Variants in NRXN3 observed in about 807,000 individuals in gnomAD.
The protein encoded by NRXN3 is neurexin III.
In NRXN3, 32 loss-of-function variants were observed where a neutral mutation model predicts 137.6. That is an observed-to-expected ratio of 0.23 (90% CI 0.18 to 0.31). NRXN3 has a LOEUF of 0.31. Ranked by LOEUF, NRXN3 falls within the 10% of genes least tolerant of loss-of-function variation. The probability of loss-of-function intolerance (pLI) is 1.00; values close to 1 mark genes in which losing one functional copy is unlikely to be tolerated. For synonymous variants in NRXN3, 798 were observed against 784.5 expected (o/e 1.02, Z -0.29); for missense variants, 1,574 against 2,062.5 (o/e 0.76, Z 4.59).
intron 1 of NRXN3, among the ~76,000 whole-genome samples, chr14:78,184,124 G>T (rs72683751): frequency 2.0e-5 from 3 of 152,040 alleles, no homozygotes; most frequent in Admixed American, 6.5e-5. Context: ...AAATCTCCCC[G>T]CCAGAGATAA....
rs377190999 is a variant in NRXN3, at chr14:78,988,215, T to C, written c.3262+74T>C. On this transcript the variant is annotated intron_variant, in intron 15 of 20. Coordinates refer to ENST00000335750, the MANE Select transcript of NRXN3 (RefSeq NM_001330195.2). The stretch of plus-strand genomic sequence containing the variant: ...ATTTGGAGAATCTTAAAGGACAATA[T>C]GTAAAAGGATGGCTCTTCTGAAAGA... The C allele has an allele frequency of 2.5e-5, 38 of 1,547,228 alleles. No individual in the cohort carries two copies. The East Asian group carries it at 3.8e-4, about 16-fold the overall frequency.
intron 19 of NRXN3, among the ~76,000 whole-genome samples, chr14:79,740,739 T>TATATATATATATAA (rs2098959749): frequency 2.3e-5 from 1 of 43,450 alleles, no homozygotes; most frequent in Non-Finnish European, 5.0e-5. Flanking sequence ...TATATATATA[T>TATATATATATATAA]ATATATATAT....
chr14:79,379,320 A>T (rs2094398293), intron 15 of NRXN3, among the ~76,000 whole-genome samples: 1 of 152,224 alleles, frequency 6.6e-6, no homozygotes, highest in Admixed American at 6.5e-5. Flanking sequence ...AAATGGTGGG[A>T]TGAGTCTCCT....
At chr14:78,922,400 TC>T (rs1434042351) in intron 10 of NRXN3, among the ~76,000 whole-genome samples, 1 of 152,208 alleles carries the variant, frequency 6.6e-6, no homozygotes, top group African/African-American at 2.4e-5. Flanking sequence ...TTCTAAAATA[TC>T]TTTTCTATTT....
chr14:79,436,876 G>A (rs956063052), intron 15 of NRXN3, among the ~76,000 whole-genome samples: 5 of 152,058 alleles, frequency 3.3e-5, no homozygotes, highest in Non-Finnish European at 4.4e-5. Context: ...CCTGCACTCC[G>A]TTATCTACCT....
chr14:78,962,871 G>A (rs1245295957), intron 11 of NRXN3, among the ~76,000 whole-genome samples: 5 of 151,918 alleles, frequency 3.3e-5, no homozygotes, highest in African/African-American at 9.7e-5. Context: ...GTGCCACCAC[G>A]CCAGGCTAAT....
chr14:78,306,217 C>T (rs2077357123), intron 4 of NRXN3, among the ~76,000 whole-genome samples: 1 of 152,070 alleles, frequency 6.6e-6, no homozygotes, highest in South Asian at 2.1e-4. Context: ...TGTCTGTTTC[C>T]TCCTCCTCAA....
intron 15 of NRXN3, among the ~76,000 whole-genome samples, chr14:79,124,955 A>G (rs1195727681): frequency 2.0e-5 from 3 of 152,224 alleles, no homozygotes; most frequent in African/African-American, 7.2e-5. Context: ...GCAAGCTATA[A>G]TTACATTATT....
At chr14:79,431,993 T>A (rs1214586713) in intron 15 of NRXN3, among the ~76,000 whole-genome samples, 1 of 152,146 alleles carries the variant, frequency 6.6e-6, no homozygotes, top group African/African-American at 2.4e-5. Context: ...ATGTAGCCAA[T>A]GTTATACTTG....
chr14:78,644,039 G>A (rs1354915529), intron 4 of NRXN3, among the ~76,000 whole-genome samples: 1 of 151,666 alleles, frequency 6.6e-6, no homozygotes, highest in Non-Finnish European at 1.5e-5. Context: ...TACTTGGGAG[G>A]CTGAGGCAGG....
intron 8 of NRXN3, among the ~76,000 whole-genome samples, chr14:78,752,200 A>G (rs2098646159): frequency 6.6e-6 from 1 of 152,202 alleles, no homozygotes; most frequent in South Asian, 2.1e-4. Context: ...TGAGGCCAGG[A>G]GTTTGAAACC....
chr14:79,547,039 A>G (rs755464619), intron 16 of NRXN3, among the ~76,000 whole-genome samples: 5 of 152,148 alleles, frequency 3.3e-5, no homozygotes, highest in Admixed American at 3.3e-4. Flanking sequence ...CCTCTTAATG[A>G]TCTGATTCCC....
intron 15 of NRXN3, among the ~76,000 whole-genome samples, chr14:79,453,525 A>G (rs1443678514): frequency 3.3e-5 from 5 of 152,198 alleles, no homozygotes; most frequent in African/African-American, 1.2e-4. Context: ...ATAGTCTTGC[A>G]GGTCTTCCAA....
intron 4 of NRXN3, among the ~76,000 whole-genome samples, chr14:78,568,167 C>T (rs2096854101): frequency 6.6e-6 from 1 of 152,108 alleles, no homozygotes; most frequent in South Asian, 2.1e-4. Flanking sequence ...TGTGTCCCTC[C>T]CTCAGATTTA....
At chr14:79,457,255 C>T (rs185394903) in intron 15 of NRXN3, among the ~76,000 whole-genome samples, 2 of 152,076 alleles carry the variant, frequency 1.3e-5, no homozygotes, top group East Asian at 3.9e-4. Flanking sequence ...TGTGCTGCGC[C>T]GATAGAATAA....
chr14:79,607,131 C>A (rs775309846), intron 16 of NRXN3, among the ~76,000 whole-genome samples: 1 of 152,204 alleles, frequency 6.6e-6, no homozygotes, highest in East Asian at 1.9e-4. Flanking sequence ...TATTTCTGGA[C>A]TTTGCAGTCA....
At chr14:78,820,951 G>C (rs954596843) in intron 10 of NRXN3, among the ~76,000 whole-genome samples, 2 of 152,054 alleles carry the variant, frequency 1.3e-5, no homozygotes, top group Non-Finnish European at 2.9e-5. Context: ...ATTACAAATG[G>C]GGAAACCAAG....
intron 19 of NRXN3, among the ~76,000 whole-genome samples, chr14:79,763,684 T>G (rs904270597): frequency 6.6e-6 from 1 of 151,548 alleles, no homozygotes; most frequent in African/African-American, 2.4e-5. Flanking sequence ...GATGGCGACT[T>G]CCAGTTATGT....
At chr14:79,637,291 A>G (rs752987317) in intron 16 of NRXN3, among the ~76,000 whole-genome samples, 52 of 150,568 alleles carry the variant, frequency 3.5e-4, no homozygotes, top group Non-Finnish European at 6.9e-4. Context: ...AAGAATTGAT[A>G]TTATTATTAT....
Sources: allele counts gnomAD v4.1 joint callset (sites outside exome capture counted in the v4.1 genomes callset), GRCh38; gene constraint gnomAD v4.1.1; transcripts MANE v1.5; gene names NCBI Gene and HGNC (gene_info 2026-07-23, HGNC 2026-07-21).